The following BAIAP2L1 variants were observed in gnomAD, a reference collection of about 807,000 sequenced individuals.
BAIAP2L1 encodes the protein BAR/IMD domain-containing adapter protein 2-like 1.
BAIAP2L1 carries 35 observed loss-of-function variants against 66.3 expected under a neutral mutation model. The ratio of observed to expected loss-of-function variants is 0.53; its 90% CI spans 0.40 to 0.70. BAIAP2L1 has a LOEUF of 0.70. Among genes scored for constraint, BAIAP2L1 ranks in the 30% least tolerant of loss-of-function variants. The probability of loss-of-function intolerance (pLI) is 0.00; values close to 1 mark genes in which losing one functional copy is unlikely to be tolerated. For synonymous variants in BAIAP2L1, 269 were observed against 248.7 expected, an observed-to-expected ratio of 1.08 and a Z score of -0.77; for missense variants, 622 against 656.9, an observed-to-expected ratio of 0.95 and a Z score of 0.58.
chr7:98,330,601 G>A (rs1801473023), intron 3 of BAIAP2L1, among the ~76,000 whole-genome samples: 1 of 149,650 alleles, frequency 6.7e-6, no homozygotes, highest in African/African-American at 2.5e-5. Context: ...AGGTTGCAGT[G>A]AGCCGAGATC....
intron 1 of BAIAP2L1, among the ~76,000 whole-genome samples, chr7:98,369,872 G>A (rs1025230234): frequency 6.6e-6 from 1 of 151,664 alleles, no homozygotes; most frequent in Non-Finnish European, 1.5e-5. Context: ...GTGTTTCACC[G>A]TGTTGCCCAG....
rs1391396754 is a variant in BAIAP2L1, at chr7:98,293,545, A to G, written c.1512T>C (p.Asp504=). Residue 504 remains aspartate, a synonymous_variant, in exon 14 of 14, where the codon GAT becomes GAC. Transcript: ENST00000005260. ...CTCATCGAATGATGGGTGCCGAGCG[A>G]TCATTCGTCACAGTCGGGCGGAGTT... ...TVKLRPTVTN[D]RSAPIIR The G allele has an allele frequency of 6.2e-7, 1 of 1,613,770 alleles. No individual in the cohort carries two copies. Among genetic ancestry groups the G allele is most frequent in the Middle Eastern group, 1.7e-4 (1 of 5,810 alleles).
At chr7:98,325,174 G>C (rs1584458256) in intron 3 of BAIAP2L1, among the ~76,000 whole-genome samples, 1 of 152,120 alleles carries the variant, frequency 6.6e-6, no homozygotes, top group East Asian at 1.9e-4. Flanking sequence ...CACAAGGTCA[G>C]GAGTTCGAGA....
chr7:98,312,302 A>T (rs1800903246), intron 7 of BAIAP2L1, 38 bp from the exon 8 acceptor site: 2 of 1,566,056 alleles, frequency 1.3e-6, no homozygotes, highest in Non-Finnish European at 1.7e-6. Flanking sequence ...GACAAAGAAG[A>T]TTGTCTGAAG....
chr7:98,376,667 A>AAC (rs1430134197), intron 1 of BAIAP2L1, among the ~76,000 whole-genome samples: 2 of 150,914 alleles, frequency 1.3e-5, no homozygotes, highest in African/African-American at 4.9e-5. Context: ...CAAAAAAAAA[A>AAC]AAAAAAAACA....
intron 3 of BAIAP2L1, among the ~76,000 whole-genome samples, chr7:98,351,267 T>C (rs564496710): frequency 1.3e-5 from 2 of 152,262 alleles, no homozygotes; most frequent in African/African-American, 2.4e-5. Context: ...GGAAGCACCA[T>C]GTACACCCAG....
chr7:98,386,567 G>T, intron 1 of BAIAP2L1: 3 of 1,596,470 alleles, frequency 1.9e-6, no homozygotes, highest in Non-Finnish European at 2.5e-6. Flanking sequence ...TAAGGCGCTT[G>T]TTCTTGCCAA....
intron 1 of BAIAP2L1, among the ~76,000 whole-genome samples, chr7:98,373,117 A>G (rs1485724656): frequency 6.6e-6 from 1 of 152,158 alleles, no homozygotes; most frequent in Non-Finnish European, 1.5e-5. Context: ...CTGGACTAAC[A>G]TCACCAATAC....
chr7:98,309,053 TCTTTCTG>T (rs1335824996), intron 9 of BAIAP2L1: 1 of 152,094 alleles, frequency 6.6e-6, no homozygotes. Flanking sequence ...ATGCAAGATC[TCTTTCTG>T]CTTTATTCTT....
intron 1 of BAIAP2L1, among the ~76,000 whole-genome samples, chr7:98,385,296 G>A (rs529981821): frequency 5.3e-4 from 80 of 152,100 alleles, no homozygotes; most frequent in African/African-American, 1.3e-3. Flanking sequence ...GTGACAGAGC[G>A]AGATTCTGTC....
intron 1 of BAIAP2L1, among the ~76,000 whole-genome samples, chr7:98,399,619 G>A (rs1208360279): frequency 1.3e-5 from 2 of 152,118 alleles, no homozygotes; most frequent in African/African-American, 2.4e-5. Flanking sequence ...AAGTTTCAAG[G>A]GTTCGAAGCG....
chr7:98,367,984 A>C (rs920834827), intron 1 of BAIAP2L1, among the ~76,000 whole-genome samples: 3 of 152,140 alleles, frequency 2.0e-5, no homozygotes, highest in Admixed American at 2.0e-4. Context: ...CATCACCGCA[A>C]GTAAAATACG....
intron 3 of BAIAP2L1, among the ~76,000 whole-genome samples, chr7:98,339,566 T>A (rs553718005): frequency 6.6e-6 from 1 of 152,184 alleles, no homozygotes; most frequent in African/African-American, 2.4e-5. Context: ...CGTGGCACCA[T>A]GGTGTGCCCG....
intron 13 of BAIAP2L1, among the ~76,000 whole-genome samples, 195 bp downstream of exon 13, chr7:98,293,879 G>A (rs1321391351): frequency 6.6e-6 from 1 of 152,226 alleles, no homozygotes; most frequent in Non-Finnish European, 1.5e-5. Flanking sequence ...TCACTCTGGG[G>A]TGGGGAAGCC....
chr7:98,340,959 G>GTTTTTT lies in BAIAP2L1; in HGVS notation c.214+14077_214+14082dup, dbSNP rs72057720. On this transcript the variant is annotated intron_variant, in intron 3 of 13. Transcript: ENST00000005260. The stretch of plus-strand genomic sequence containing the variant: ...GCCTGCCACCAGGCCCAGCTAATTG[G>GTTTTTT]TTTTTTTTTTTTTTTTGTCTCTTAC... Among the ~76,000 whole-genome samples the GTTTTTT allele has an allele frequency of 9.8e-4, 127 of 129,548 alleles. 1 individual carries two copies. Among genetic ancestry groups the GTTTTTT allele is most frequent in the Non-Finnish European group, 1.3e-3 (82 of 62,596 alleles). The allele number at this position is 129,548 out of a possible 152,430, so 85.0% of individuals were successfully genotyped here.
intron 2 of BAIAP2L1, among the ~76,000 whole-genome samples, chr7:98,360,215 G>A (rs573959034): frequency 1.3e-5 from 2 of 152,142 alleles, no homozygotes; most frequent in South Asian, 2.1e-4. Context: ...GAACCACCGC[G>A]CCTGGCCTGA....
Position 98,292,521 on chromosome 7 carries a change from A to C in BAIAP2L1, c.*1000T>G, listed in dbSNP as rs1174223724. On this transcript the variant is annotated 3_prime_UTR_variant, in exon 14 of 14. Coordinates refer to ENST00000005260, the MANE Select transcript of BAIAP2L1 (RefSeq NM_018842.5). ...AAATAGGTCCAGATCCTTGGCAGCC[A>C]AAGATGATTTCCAGCCCCGGGCTCA... 3 of 984,484 alleles carry C rather than the reference A, an allele frequency of 3.0e-6. No individual in the cohort carries two copies. The highest frequency in any genetic ancestry group is 4.6e-6 in the Non-Finnish European group (3 of 645,560). The allele number at this position is 984,484 out of a possible 1,614,324, so 61.0% of individuals were successfully genotyped here. A position where few individuals can be genotyped will look rare whatever the true frequency, so the allele number is the denominator to read the frequency against.
In BAIAP2L1 at chr7:98,400,792, C is replaced by T. The variant is rs867492194; in HGVS notation, c.51+10G>A. 20 of 1,549,022 alleles carry T rather than the reference C, an allele frequency of 1.3e-5. No homozygotes were observed. In the African/African-American group the frequency reaches 2.1e-4, roughly 16 times the overall value. ...CCCTGACCTCCCTGAGCCCCGGGCCCTGGGCTTACCCGGTAGGTGCTCTCC... is the reference window on the plus strand; with the variant it reads ...CCCTGACCTCCCTGAGCCCCGGGCCTTGGGCTTACCCGGTAGGTGCTCTCC... On this transcript the variant is annotated intron_variant, in intron 1 of 13. Coordinates refer to ENST00000005260, the MANE Select transcript of BAIAP2L1 (RefSeq NM_018842.5).
chr7:98,344,444 C>G (rs981420964), intron 3 of BAIAP2L1, among the ~76,000 whole-genome samples: 6 of 152,176 alleles, frequency 3.9e-5, no homozygotes, highest in African/African-American at 1.4e-4. Context: ...GACACATTTT[C>G]TGAATCATCT....
Sources: gnomAD v4.1 joint callset for allele counts (sites outside exome capture counted in the v4.1 genomes callset) on GRCh38, gnomAD v4.1.1 for gene constraint, MANE v1.5 for transcripts, NCBI Gene and HGNC (gene_info 2026-07-23, HGNC 2026-07-21) for gene names.